NCAPD3: variants seen among roughly 807,000 people sequenced by gnomAD.
NCAPD3 encodes the protein condensin-2 complex subunit D3.
In NCAPD3, 105 loss-of-function variants were observed where a neutral mutation model predicts 182.9. The observed-to-expected ratio is 0.57, with a 90% CI of 0.49 to 0.68. The LOEUF (loss-of-function observed/expected upper bound fraction) is 0.68. NCAPD3 is among the 30% of genes least tolerant of loss of function. The pLI is 0.00. For synonymous variants in NCAPD3, 815 were observed against 679.9 expected (o/e 1.20, Z -3.09); for missense variants, 1,944 against 1,837.0 (o/e 1.06, Z -1.07).
At chr11:134,223,381 C>T (rs954048234) in intron 1 of NCAPD3, 17 of 701,586 alleles carry the variant, frequency 2.4e-5, no homozygotes, top group Non-Finnish European at 4.2e-5. Flanking sequence ...TGCCATGACT[C>T]CTGGGTTGGT....
At chr11:134,205,421 C>A in intron 8 of NCAPD3, among the ~76,000 whole-genome samples, 1 of 150,958 alleles carries the variant, frequency 6.6e-6, no homozygotes, top group South Asian at 2.1e-4. Flanking sequence ...GCTCTTGTCG[C>A]TCAGGCTGGA....
At position 134,223,878 on chromosome 11, in the gene NCAPD3, G is replaced by A; in HGVS notation, c.49C>T (p.Leu17=). Residue 17 remains leucine, a synonymous_variant, in exon 1 of 35, where the codon CTG becomes TTG. Coordinates refer to ENST00000534548, the MANE Select transcript of NCAPD3 (RefSeq NM_015261.3). ...ATCTGCTCACCGAGTCTAAGATCCAGCGGACACCAGGGCTGCAGGCCGCTA... is the reference window on the plus strand; with the variant it reads ...ATCTGCTCACCGAGTCTAAGATCCAACGGACACCAGGGCTGCAGGCCGCTA... The part of the protein sequence containing the change: ...LGSGLQPWCP[L]DLRLEWVDTV... 2 of 1,612,788 alleles carry A rather than the reference G, an allele frequency of 1.2e-6. No homozygotes were observed. Among genetic ancestry groups the A allele is most frequent in the Non-Finnish European group, 1.7e-6 (2 of 1,179,834 alleles).
intron 27 of NCAPD3, among the ~76,000 whole-genome samples, chr11:134,167,247 C>T (rs537795036): frequency 7.1e-5 from 7 of 98,692 alleles, no homozygotes; most frequent in African/African-American, 1.6e-4. Context: ...GGCGCACACT[C>T]GTGAGATGAG....
intron 14 of NCAPD3, 45 bp downstream of exon 14, chr11:134,194,620 A>C: frequency 7.2e-7 from 1 of 1,392,396 alleles, no homozygotes; most frequent in African/African-American, 1.5e-5. Flanking sequence ...TGCATTTCCA[A>C]GTTTTTAGTG....
intron 20 of NCAPD3, among the ~76,000 whole-genome samples, chr11:134,179,939 G>A (rs946341569): frequency 6.6e-6 from 1 of 151,776 alleles, no homozygotes; most frequent in South Asian, 2.1e-4. Context: ...AAAGAAGCAA[G>A]AATGAAACTA....
At chr11:134,222,670 G>C (rs1938276127) in intron 1 of NCAPD3, among the ~76,000 whole-genome samples, 1 of 152,180 alleles carries the variant, frequency 6.6e-6, no homozygotes, top group African/African-American at 2.4e-5. Context: ...GCTTAATAGG[G>C]AATAGTACTG....
rs1389664374 is a variant in NCAPD3, at chr11:134,161,868, T to C, written c.3597A>G (p.Glu1199=). The part of the protein sequence containing the change: ...ISQVQKRNFI[E]NIIPIIISLK... ...GGGAGATGATAATTGGAATAATATT[T>C]TCTATGAAATTCCTCTTCTGAACCT... The change falls in exon 28 of 35, where the codon GAA becomes GAG. Residue 1199 remains glutamate (E), a synonymous_variant. Coordinates refer to ENST00000534548, the MANE Select transcript of NCAPD3 (RefSeq NM_015261.3). 10 of 1,557,106 alleles carry C rather than the reference T, an allele frequency of 6.4e-6. No individual in the cohort carries two copies. The highest frequency in any genetic ancestry group is 8.8e-6 in the Non-Finnish European group (10 of 1,138,278).
Position 134,185,384 on chromosome 11 carries a change from G to A in NCAPD3, c.2188C>T (p.Pro730Ser), listed in dbSNP as rs1335054180. Residue 730 changes from proline (P) to serine (S), a missense_variant, in exon 17 of 35, where the codon CCC becomes TCC. Transcript: ENST00000534548. ...ATTATTCTGCTGTAGTCCAGCCTGGGTGAGGAGCCAGCAATCTTGGAGAGC... is the reference window on the plus strand; with the variant it reads ...ATTATTCTGCTGTAGTCCAGCCTGGATGAGGAGCCAGCAATCTTGGAGAGC... ...MLLSKIAGSS[P>S]RLDYSRIIQS... The A allele has an allele frequency of 6.2e-7, 1 of 1,613,854 alleles. No homozygotes were observed. Among genetic ancestry groups the A allele is most frequent in the Non-Finnish European group, 8.5e-7 (1 of 1,179,954 alleles).
chr11:134,219,338 C>T (rs761072520), intron 2 of NCAPD3, among the ~76,000 whole-genome samples: 1 of 152,146 alleles, frequency 6.6e-6, no homozygotes, highest in Non-Finnish European at 1.5e-5. Flanking sequence ...AGAATATTTC[C>T]AGGCGCCCAA....
Position 134,204,081 on chromosome 11 carries a change from T to C in NCAPD3, c.1180A>G (p.Ile394Val), listed in dbSNP as rs764545915. 6.8e-6 allele frequency: 11 copies of C among 1,614,042 alleles called. No homozygotes were observed. The highest frequency in any genetic ancestry group is 2.2e-5 in the East Asian group (1 of 44,894). Reference sequence around the variant, plus strand: ...CGGGAGTATTTGTAAAGCCAGGCAATGAACATAGCGTATTCCCCACAAGGA... The same window carrying C: ...CGGGAGTATTTGTAAAGCCAGGCAACGAACATAGCGTATTCCCCACAAGGA... ...KLPCGEYAMF[I>V]AWLYKYSRSS... The change falls in exon 10 of 35, where the codon ATT (isoleucine) becomes GTT (valine). Residue 394 changes from isoleucine to valine, a missense_variant. Transcript: ENST00000534548. This position sits in a 1 kb window ranked among gnomAD's most constrained non-coding sequence, Gnocchi z 4.3.
In NCAPD3 at chr11:134,203,647, T is replaced by C; in HGVS notation, c.1468+7A>G. On this transcript the variant is annotated splice_region_variant and intron_variant, in intron 11 of 34. Coordinates refer to ENST00000534548, the MANE Select transcript of NCAPD3 (RefSeq NM_015261.3). ...CGGTTTACTGTCCCAATAGTCGCCA[T>C]ACTCACTGTTAATCAGGAGCTCCAG... 5 of 1,610,366 alleles carry C rather than the reference T, an allele frequency of 3.1e-6. No homozygotes were observed. The highest frequency in any genetic ancestry group is 4.2e-6 in the Non-Finnish European group (5 of 1,179,504).
chr11:134,181,565 C>T (rs1259040635), intron 19 of NCAPD3, among the ~76,000 whole-genome samples: 1 of 152,146 alleles, frequency 6.6e-6, no homozygotes, highest in African/African-American at 2.4e-5. Flanking sequence ...GATGAATTAA[C>T]TACTGTGATA....
chr11:134,218,377 T>C (rs1442931666), intron 2 of NCAPD3, among the ~76,000 whole-genome samples: 1 of 152,180 alleles, frequency 6.6e-6, no homozygotes, highest in African/African-American at 2.4e-5. Context: ...TGGCTGCTTC[T>C]CACCCTCGGT....
rs1943289382 is a variant in NCAPD3 at position 134,152,760 on chromosome 11, G to GTT, written c.*182_*183dup. On this transcript the variant is annotated 3_prime_UTR_variant, in exon 35 of 35. Transcript: ENST00000534548. ...TGGCACATCTCTATTATTTGACAGT[G>GTT]TTTAACCAAATACATCATACAGAAT... 1 of 512,612 alleles carries GTT rather than the reference G, an allele frequency of 2.0e-6. No individual in the cohort carries two copies. The allele number at this position is 512,612 out of a possible 1,614,324, so 31.8% of individuals were successfully genotyped here.
At position 134,152,629 on chromosome 11, in the gene NCAPD3, G is replaced by C. The variant is rs747427430; in HGVS notation, c.*315C>G. 8.9e-5 allele frequency: 21 copies of C among 235,480 alleles called. No homozygotes were observed. The highest frequency in any genetic ancestry group is 1.3e-4 in the Non-Finnish European group (16 of 123,652). 14.6% of individuals were successfully genotyped at this position (235,480 alleles called of 1,614,324 possible). The stretch of plus-strand genomic sequence containing the variant: ...TATAAAAGAAAGCTGCAGTTTTAAA[G>C]TTGTGTTCCTTAAAGACCAGATTAT... On this transcript the variant is annotated 3_prime_UTR_variant, in exon 35 of 35. Coordinates refer to ENST00000534548, the MANE Select transcript of NCAPD3 (RefSeq NM_015261.3).
rs1314382640 is a variant in NCAPD3 at position 134,217,003 on chromosome 11, G to A, written c.315C>T (p.Val105=). Residue 105 remains valine (V), a synonymous_variant, in exon 3 of 35, where the codon GTC becomes GTT. Coordinates refer to ENST00000534548, the MANE Select transcript of NCAPD3 (RefSeq NM_015261.3). ...HFVQIVHKKN[V]SVQYREYGLH... is the part of the protein sequence containing the mutation. ...GGCCATATTCTCGATACTGTACACTGACATTCTTCTTATGAACTATTTGAA... is the reference window on the plus strand; with the variant it reads ...GGCCATATTCTCGATACTGTACACTAACATTCTTCTTATGAACTATTTGAA... The A allele has an allele frequency of 6.2e-7, 1 of 1,613,840 alleles. No individual in the cohort carries two copies. Among genetic ancestry groups the A allele is most frequent in the Non-Finnish European group, 8.5e-7 (1 of 1,179,958 alleles).
At position 134,152,713 on chromosome 11, in the gene NCAPD3, T is replaced by G; in HGVS notation, c.*231A>C. The G allele has an allele frequency of 2.3e-6, 1 of 439,068 alleles. No homozygotes were observed. Among genetic ancestry groups the G allele is most frequent in the Non-Finnish European group, 4.0e-6 (1 of 250,220 alleles). The allele number at this position is 439,068 out of a possible 1,614,324, so 27.2% of individuals were successfully genotyped here. A position where few individuals can be genotyped will look rare whatever the true frequency, so the allele number is the denominator to read the frequency against. On this transcript the variant is annotated 3_prime_UTR_variant, in exon 35 of 35. Coordinates refer to ENST00000534548, the MANE Select transcript of NCAPD3 (RefSeq NM_015261.3). Reference sequence around the variant, plus strand: ...GAATAAAGTTACAATATTAAACAGATTAGGGTAAGAAAATCTAAATCTGGC... The same window carrying G: ...GAATAAAGTTACAATATTAAACAGAGTAGGGTAAGAAAATCTAAATCTGGC...
intron 27 of NCAPD3, among the ~76,000 whole-genome samples, chr11:134,166,970 G>T (rs1450637902): frequency 7.7e-6 from 1 of 130,694 alleles, no homozygotes; most frequent in Non-Finnish European, 1.6e-5. Flanking sequence ...GAGCTTAGGG[G>T]AGCTGCACAC....
intron 31 of NCAPD3, 75 bp downstream of exon 31, chr11:134,157,853 G>A: frequency 1.4e-6 from 2 of 1,436,376 alleles, no homozygotes; most frequent in East Asian, 4.6e-5. Flanking sequence ...CGCTTTGAAA[G>A]GAATAAGAAG....
Sources: gnomAD v4.1 joint callset for allele counts (sites outside exome capture counted in the v4.1 genomes callset) on GRCh38, gnomAD v4.1.1 for gene constraint, Gnocchi (gnomAD v3.1) non-coding constraint, MANE v1.5 for transcripts, NCBI Gene and HGNC (gene_info 2026-07-23, HGNC 2026-07-21) for gene names.